GPR173: variants seen among roughly 807,000 people sequenced by gnomAD.
The protein encoded by GPR173 is probable G protein-coupled receptor 173.
GPR173 carries 2 observed loss-of-function variants against 13.9 expected under a neutral mutation model. The observed-to-expected ratio is 0.14, with a 90% CI of 0.06 to 0.45. The LOEUF (loss-of-function observed/expected upper bound fraction) is 0.45. Ranked by LOEUF, GPR173 falls within the 20% of genes least tolerant of loss-of-function variation. The pLI is 0.98. For missense variants in GPR173, 202 were observed against 340.5 expected, an observed-to-expected ratio of 0.59 and a Z score of 3.20; for synonymous variants, 131 against 141.0, an observed-to-expected ratio of 0.93 and a Z score of 0.50.
chrX:53,050,578 T>A (rs957438099), intron 1 of GPR173, among the ~76,000 whole-genome samples: 31 of 112,152 alleles, frequency 2.8e-4, no homozygotes, highest in African/African-American at 1.0e-3. Context: ...CCCTGATGGG[T>A]GTGTGTAGGG....
chrX:53,054,536 T>C (rs1556803050), intron 1 of GPR173, among the ~76,000 whole-genome samples: 2 of 99,408 alleles, frequency 2.0e-5, no homozygotes, highest in East Asian at 3.2e-4. Flanking sequence ...AGCACATGGG[T>C]GTATGGGTGT....
chrX:53,060,965 CTCCCTTTTTG>C (rs1932117386), intron 1 of GPR173, among the ~76,000 whole-genome samples: 1 of 105,542 alleles, frequency 9.5e-6, no homozygotes, highest in Non-Finnish European at 1.9e-5. Flanking sequence ...GACATTTTTA[CTCCCTTTTTG>C]AGGCTAACTG....
intron 1 of GPR173, among the ~76,000 whole-genome samples, chrX:53,054,148 A>G (rs202197328): frequency 4.1e-4 from 44 of 106,713 alleles, no homozygotes; most frequent in East Asian, 2.3e-3. Flanking sequence ...GTGTGTGTGT[A>G]TGTGTGTGTG....
Position 53,077,827 on chromosome X carries a change from C to T in GPR173, c.*84C>T, listed in dbSNP as rs922930797. 8 of 783,765 alleles carry T rather than the reference C, an allele frequency of 1.0e-5. No homozygotes were observed. Among genetic ancestry groups the T allele is most frequent in the Non-Finnish European group, 1.5e-5 (8 of 539,592 alleles). 64.6% of individuals were successfully genotyped at this position (783,765 alleles called of 1,213,427 possible). ...AGCAAGGGAGGGGTAGGGGCCCATA[C>T]AGGAGTCCTCCTTTCTGAGCTCCAG... On this transcript the variant is annotated 3_prime_UTR_variant, in exon 2 of 2. Coordinates refer to ENST00000332582, the MANE Select transcript of GPR173 (RefSeq NM_018969.6).
At chrX:53,058,792 G>T (rs1443624065) in intron 1 of GPR173, among the ~76,000 whole-genome samples, 1 of 111,300 alleles carries the variant, frequency 9.0e-6, no homozygotes, top group African/African-American at 3.3e-5. Flanking sequence ...TTATGTCTGC[G>T]CATGTAACAC....
chrX:53,078,006 C>CTT lies in GPR173; in HGVS notation c.*264_*265insTT, dbSNP rs1932467522. 5.7e-6 allele frequency: 2 copies of CTT among 350,433 alleles called. No homozygotes were observed. The highest frequency in any genetic ancestry group is 7.0e-5 in the African/African-American group (2 of 28,398). The allele number at this position is 350,433 out of a possible 1,213,427, so 28.9% of individuals were successfully genotyped here. On this transcript the variant is annotated 3_prime_UTR_variant, in exon 2 of 2. Transcript: ENST00000332582. The stretch of plus-strand genomic sequence containing the variant: ...CCACTTCTACAATCTCATTCTCTCT[C>CTT]TCTCTCTCTCTGTCTCTCTCTCTCT...
rs977880947 is a variant in GPR173, at chrX:53,070,525, C to A, written c.-97-6000C>A. ...TTGAGATGGAGTTTCACTCTTGTTA[C>A]CCAGGCTGGAGTGCAATGGCACTAT... On this transcript the variant is annotated intron_variant, in intron 1 of 1. Coordinates refer to ENST00000332582, the MANE Select transcript of GPR173 (RefSeq NM_018969.6). 8.0e-5 allele frequency among the ~76,000 whole-genome samples: 9 copies of A among 111,922 alleles called. No homozygotes were observed. The Admixed American group carries it at 8.6e-4, about 11-fold the overall frequency.
rs1556804843 is a variant in GPR173, at chrX:53,072,382, TTCTCTCTCTTGCTCTCTC to T, written c.-97-4133_-97-4116del. On this transcript the variant is annotated intron_variant, in intron 1 of 1. Transcript: ENST00000332582. ...CCCTCTCCCTCTCCCTGCTCTCCTT[TTCTCTCTCTTGCTCTCTC>T]TCTCTCTCTCTCTCTCTATTTCTCT... Among the ~76,000 whole-genome samples, 3 of 89,552 alleles carry T rather than the reference TTCTCTCTCTTGCTCTCTC, an allele frequency of 3.4e-5. No individual in the cohort carries two copies. The East Asian group carries it at 9.5e-4, about 28-fold the overall frequency. The allele number at this position is 89,552 out of a possible 115,157, so 77.8% of individuals were successfully genotyped here.
At chrX:53,065,970 C>A (rs1556804175) in intron 1 of GPR173, among the ~76,000 whole-genome samples, 1 of 110,339 alleles carries the variant, frequency 9.1e-6, no homozygotes, top group Non-Finnish European at 1.9e-5. Flanking sequence ...CATGGTGGCG[C>A]GTGCCTGTGA....
chrX:53,049,085 A>AGGGGGGGG lies in GPR173; in HGVS notation c.-492_-491insGGGGGGGG, dbSNP rs1931917459. 4.3e-5 allele frequency: 1 copy of AGGGGGGGG among 23,273 alleles called. No individual in the cohort carries two copies. Among genetic ancestry groups the AGGGGGGGG allele is most frequent in the African/African-American group, 1.7e-4 (1 of 5,959 alleles). 1.9% of individuals were successfully genotyped at this position (23,273 alleles called of 1,213,427 possible). On this transcript the variant is annotated 5_prime_UTR_variant, in exon 1 of 2. Coordinates refer to ENST00000332582, the MANE Select transcript of GPR173 (RefSeq NM_018969.6). ...GGGGGGGGTGGGGGGTGGGGGGGGT[A>AGGGGGGGG]GGGGGACCGGCAGCCAGGCAGGCAG... is the stretch of plus-strand genomic sequence containing the variant.
At chrX:53,061,439 A>G (rs1371342133) in intron 1 of GPR173, among the ~76,000 whole-genome samples, 5 of 110,501 alleles carry the variant, frequency 4.5e-5, no homozygotes, top group African/African-American at 1.7e-4. Flanking sequence ...CCATGTACAC[A>G]TGTCCCCGTG....
intron 1 of GPR173, among the ~76,000 whole-genome samples, chrX:53,057,000 C>A (rs892650560): frequency 9.0e-6 from 1 of 111,728 alleles, no homozygotes; most frequent in Admixed American, 9.6e-5. Context: ...CCTAGTTCTG[C>A]CATTTATTAG....
chrX:53,067,564 G>A (rs182311281), intron 1 of GPR173, among the ~76,000 whole-genome samples: 5 of 112,240 alleles, frequency 4.5e-5, no homozygotes, highest in East Asian at 5.6e-4. Context: ...GGTGGCTCAC[G>A]CCTGTAATCC....
At chrX:53,073,698 C>T (rs1169726252) in intron 1 of GPR173, among the ~76,000 whole-genome samples, 1 of 100,652 alleles carries the variant, frequency 9.9e-6, no homozygotes, top group Non-Finnish European at 2.0e-5. Context: ...TCTTTAACTC[C>T]TGCCTTTGTG....
intron 1 of GPR173, among the ~76,000 whole-genome samples, chrX:53,058,721 G>A (rs781864174): frequency 9.0e-6 from 1 of 111,173 alleles, no homozygotes; most frequent in African/African-American, 3.3e-5. Flanking sequence ...GAACCAGTGG[G>A]GTGGGGCACG....
chrX:53,076,558 C>T lies in GPR173; in HGVS notation c.-64C>T, dbSNP rs1217781205. On this transcript the variant is annotated 5_prime_UTR_variant, in exon 2 of 2. Transcript: ENST00000332582. ...TAGCAGGACAACTCATGGAGCCCCC[C>T]CGGGCCCATCGAGTACCGGACTGGC... 1 of 955,677 alleles carries T rather than the reference C, an allele frequency of 1.0e-6. No homozygotes were observed. The highest frequency in any genetic ancestry group is 1.4e-6 in the Non-Finnish European group (1 of 694,568). The allele number at this position is 955,677 out of a possible 1,213,427, so 78.8% of individuals were successfully genotyped here. A position where few individuals can be genotyped will look rare whatever the true frequency, so the allele number is the denominator to read the frequency against.
chrX:53,055,733 C>T (rs1230011459), intron 1 of GPR173, among the ~76,000 whole-genome samples: 6 of 108,930 alleles, frequency 5.5e-5, no homozygotes, highest in Admixed American at 4.9e-4. Context: ...TGTAGTTATA[C>T]CTGGGTGGTG....
chrX:53,071,164 G>A (rs1401439665), intron 1 of GPR173: 1 of 111,629 alleles, frequency 9.0e-6, no homozygotes, highest in African/African-American at 3.3e-5. Context: ...TAGTGGAGAC[G>A]GGGTTTCTCC....
chrX:53,076,786 G>T lies in GPR173; in HGVS notation c.165G>T (p.Lys55Asn). ...LLVLKERALH[K>N]APYYFLLDLC... is the part of the protein sequence containing the mutation. The stretch of plus-strand genomic sequence containing the variant: ...TGCTCAAGGAGCGTGCCCTGCACAA[G>T]GCTCCTTACTACTTCCTGCTGGACC... The change falls in exon 2 of 2, where the codon AAG becomes AAT. Residue 55 changes from lysine to asparagine, a missense_variant. Physicochemically the swap from Lys to Asn is moderately conservative, Grantham distance 94. Transcript: ENST00000332582. The T allele has an allele frequency of 8.3e-7, 1 of 1,210,597 alleles. No individual in the cohort carries two copies.
Sources: allele counts gnomAD v4.1 joint callset (sites outside exome capture counted in the v4.1 genomes callset), GRCh38; gene constraint gnomAD v4.1.1; transcripts MANE v1.5; gene names NCBI Gene and HGNC (gene_info 2026-07-23, HGNC 2026-07-21).